ARSB: variants seen among roughly 807,000 people sequenced by gnomAD.
ARSB encodes the protein arylsulfatase B, also known as N-acetylgalactosamine-4-sulfatase.
ARSB carries 41 observed loss-of-function variants against 50.9 expected under a neutral mutation model. That is an observed-to-expected ratio of 0.81 (90% CI 0.63 to 1.04). The LOEUF (loss-of-function observed/expected upper bound fraction) is 1.04, where lower values mean the gene tolerates loss of function less well. ARSB is among the 50% of genes least tolerant of loss of function. The probability of loss-of-function intolerance (pLI) is 0.00; values close to 1 mark genes in which losing one functional copy is unlikely to be tolerated. For missense variants in ARSB, 672 were observed against 693.3 expected (o/e 0.97, Z 0.35); for synonymous variants, 269 against 284.8 (o/e 0.94, Z 0.56).
At chr5:78,864,783 A>T (rs112016269) in intron 5 of ARSB, among the ~76,000 whole-genome samples, 1,695 of 152,304 alleles carry the variant, frequency 0.011, 31 homozygotes, top group African/African-American at 0.039. Context: ...GGTAAATCCG[A>T]CCATTCCAAA....
chr5:78,841,168 C>CTACTAATAA (rs368030435), intron 5 of ARSB, among the ~76,000 whole-genome samples: 186 of 132,014 alleles, frequency 1.4e-3, no homozygotes, highest in East Asian at 0.013. Context: ...ACTACTACTA[C>CTACTAATAA]TAATAATAAT....
intron 6 of ARSB, among the ~76,000 whole-genome samples, chr5:78,832,805 G>A (rs796371049): frequency 9.9e-5 from 15 of 152,052 alleles, no homozygotes; most frequent in African/African-American, 3.6e-4. Context: ...GCCTTTGGTG[G>A]GGTGGAAAAT....
In ARSB at chr5:78,944,099, T is replaced by C. The variant is rs974881904; in HGVS notation, c.898+11196A>G. On this transcript the variant is annotated intron_variant, in intron 4 of 7. Coordinates refer to ENST00000264914, the MANE Select transcript of ARSB (RefSeq NM_000046.5). The stretch of plus-strand genomic sequence containing the variant: ...TACTGAGTCTTGTGCATTCGTCACG[T>C]AGTTCTCGTGCCGTGGTTTTCAGCT... Among the ~76,000 whole-genome samples, 33 of 152,256 alleles carry C rather than the reference T, an allele frequency of 2.2e-4. 1 individual carries two copies. Among genetic ancestry groups the C allele is most frequent in the Admixed American group, 2.1e-3 (32 of 15,290 alleles).
chr5:78,932,249 C>T (rs148298358), intron 4 of ARSB, among the ~76,000 whole-genome samples: 155 of 152,302 alleles, frequency 1.0e-3, no homozygotes, highest in African/African-American at 3.6e-3. Flanking sequence ...TGTCAGATAC[C>T]GCTTTACCTC....
intron 5 of ARSB, chr5:78,884,142 G>C (rs1430319188): frequency 6.6e-6 from 1 of 152,234 alleles, no homozygotes; most frequent in Non-Finnish European, 1.5e-5. Context: ...TTCATCTACA[G>C]AAGGCAGCAG....
At chr5:78,815,067 A>G (rs1743940298) in intron 6 of ARSB, among the ~76,000 whole-genome samples, 1 of 151,032 alleles carries the variant, frequency 6.6e-6, no homozygotes, top group Non-Finnish European at 1.5e-5. Flanking sequence ...TGCAAAGTTA[A>G]AGGCGTTGGG....
At position 78,985,165 on chromosome 5, in the gene ARSB, C is replaced by A; in HGVS notation, c.84G>T (p.Leu28=). The A allele has an allele frequency of 1.4e-6, 2 of 1,443,264 alleles. No homozygotes were observed. The highest frequency in any genetic ancestry group is 1.5e-5 in the African/African-American group (1 of 68,318). The allele number at this position is 1,443,264 out of a possible 1,614,324, so 89.4% of individuals were successfully genotyped here. A position where few individuals can be genotyped will look rare whatever the true frequency, so the allele number is the denominator to read the frequency against. ...LLLPVVLPLL[L]LLLLAPPGSG... Reference sequence around the variant, plus strand: ...AGCCCGGCGGCGCCAACAACAGCAGCAGCAGCAGCGGGAGGACGACGGGGA... The same window carrying A: ...AGCCCGGCGGCGCCAACAACAGCAGAAGCAGCAGCGGGAGGACGACGGGGA... The change falls in exon 1 of 8, where the codon CTG becomes CTT. Residue 28 remains leucine, a synonymous_variant. Transcript: ENST00000264914.
chr5:78,847,974 G>C (rs555821318), intron 5 of ARSB, among the ~76,000 whole-genome samples: 76 of 151,830 alleles, frequency 5.0e-4, no homozygotes, highest in African/African-American at 1.7e-3. Context: ...CTAATTATTT[G>C]TCAGTTTTGT....
chr5:78,801,997 C>T (rs149135268), intron 6 of ARSB, among the ~76,000 whole-genome samples: 37 of 152,264 alleles, frequency 2.4e-4, no homozygotes, highest in Non-Finnish European at 4.7e-4. Context: ...CTCCCAGTCT[C>T]ATCTCACCCC....
chr5:78,977,196 C>T (rs1752707440), intron 1 of ARSB, among the ~76,000 whole-genome samples: 1 of 147,874 alleles, frequency 6.8e-6, no homozygotes, highest in African/African-American at 2.6e-5. Flanking sequence ...CTCTGTTGCT[C>T]AGGCTGGAGT....
In ARSB at chr5:78,915,207, G is replaced by A. The variant is rs74947032; in HGVS notation, c.899-29380C>T. The stretch of plus-strand genomic sequence containing the variant: ...AGTCATTTCCTGGATACCTTTTTGA[G>A]TTATTTGATAATTACTTGACCAAGA... On this transcript the variant is annotated intron_variant, in intron 4 of 7. Transcript: ENST00000264914. Among the ~76,000 whole-genome samples the A allele has an allele frequency of 6.8e-3, 1,040 of 151,888 alleles. 6 individuals are homozygous for A. The highest frequency in any genetic ancestry group is 0.023 in the African/African-American group (960 of 41,426).
rs528157833 is a variant in ARSB at position 78,780,466 on chromosome 5, G to A, written c.1533C>T (p.Pro511=). Reference sequence around the variant, plus strand: ...GGGGGTCCTGTGCAGGGAAGTACACGGGGACTGAGTGTTTATGGTAGAACT... The same window carrying A: ...GGGGGTCCTGTGCAGGGAAGTACACAGGGACTGAGTGTTTATGGTAGAACT... ...RLQFYHKHSV[P]VYFPAQDPRC... The change falls in exon 8 of 8, where the codon CCC becomes CCT. Residue 511 remains proline (P), a synonymous_variant. Transcript: ENST00000264914. The A allele has an allele frequency of 5.8e-5, 94 of 1,614,156 alleles. No homozygotes were observed. Among genetic ancestry groups the A allele is most frequent in the African/African-American group, 5.6e-4 (42 of 75,036 alleles).
chr5:78,781,462 T>C, intron 7 of ARSB, among the ~76,000 whole-genome samples: 1 of 151,582 alleles, frequency 6.6e-6, no homozygotes, highest in South Asian at 2.1e-4. Context: ...GATGATCCAC[T>C]GGGAAAGCTT....
At chr5:78,851,396 C>T (rs1397712364) in intron 5 of ARSB, among the ~76,000 whole-genome samples, 2 of 152,194 alleles carry the variant, frequency 1.3e-5, no homozygotes, top group South Asian at 4.2e-4. Flanking sequence ...ATCCTGAGTT[C>T]TAGTTTGATT....
At chr5:78,815,987 A>G in intron 6 of ARSB, 2 of 1,555,946 alleles carry the variant, frequency 1.3e-6, no homozygotes, top group Non-Finnish European at 1.7e-6. Context: ...CCACTTCTGC[A>G]GGAGCCACCC....
At chr5:78,854,766 A>G (rs1288036506) in intron 5 of ARSB, among the ~76,000 whole-genome samples, 1 of 152,196 alleles carries the variant, frequency 6.6e-6, no homozygotes, top group African/African-American at 2.4e-5. Context: ...AAGCCAGTCT[A>G]GTGGTGATGA....
chr5:78,858,076 G>T (rs1167581089), intron 5 of ARSB, among the ~76,000 whole-genome samples: 1 of 152,116 alleles, frequency 6.6e-6, no homozygotes, highest in Non-Finnish European at 1.5e-5. Flanking sequence ...TGGAGCTCAG[G>T]CAGACTGACC....
chr5:78,969,396 T>C (rs1286741824), intron 1 of ARSB, among the ~76,000 whole-genome samples: 1 of 152,140 alleles, frequency 6.6e-6, no homozygotes, highest in East Asian at 1.9e-4. Context: ...GAAAGACAAA[T>C]AAAACCATTC....
chr5:78,983,250 C>G (rs184285971), intron 1 of ARSB, among the ~76,000 whole-genome samples: 1 of 152,048 alleles, frequency 6.6e-6, no homozygotes, highest in African/African-American at 2.4e-5. Flanking sequence ...GACGGGGTTT[C>G]GCCGTGTTGG....
Sources: allele counts gnomAD v4.1 joint callset (sites outside exome capture counted in the v4.1 genomes callset), GRCh38; gene constraint gnomAD v4.1.1; transcripts MANE v1.5; gene names NCBI Gene and HGNC (gene_info 2026-07-23, HGNC 2026-07-21).